SLC39A11: variants seen among roughly 807,000 people sequenced by gnomAD.
SLC39A11 encodes solute carrier family 39 member 11, also known as zinc transporter ZIP11.
In SLC39A11, 33 loss-of-function variants were observed where a neutral mutation model predicts 36.1. The observed-to-expected ratio is 0.91, with a 90% CI of 0.69 to 1.22. SLC39A11 has a LOEUF of 1.22. SLC39A11 is among the 50% of genes most tolerant of loss of function. The pLI is 0.00. For synonymous variants in SLC39A11, 166 were observed against 170.3 expected (o/e 0.97, Z 0.20); for missense variants, 432 against 430.3 (o/e 1.00, Z -0.03).
At chr17:72,886,973 C>T (rs1024429282) in intron 5 of SLC39A11, among the ~76,000 whole-genome samples, 2 of 152,228 alleles carry the variant, frequency 1.3e-5, no homozygotes, top group African/African-American at 4.8e-5. Context: ...AGGGGTCTTC[C>T]CTGACTGCCT....
In SLC39A11 at chr17:73,020,502, C is replaced by A. The variant is rs746819168; in HGVS notation, c.306+11054G>T. Among the ~76,000 whole-genome samples, 10 of 152,092 alleles carry A rather than the reference C, an allele frequency of 6.6e-5. No individual in the cohort carries two copies. The East Asian group carries it at 1.7e-3, about 26-fold the overall frequency. On this transcript the variant is annotated intron_variant, in intron 4 of 9. Coordinates refer to ENST00000255559, the MANE Select transcript of SLC39A11 (RefSeq NM_139177.4). Reference sequence around the variant, plus strand: ...TGGCAGCCCAAGCCAATTTAGATAGCAGGAACCCACTTAGCTGATGTCTGC... The same window carrying A: ...TGGCAGCCCAAGCCAATTTAGATAGAAGGAACCCACTTAGCTGATGTCTGC...
chr17:72,881,234 T>C (rs1352271330), intron 5 of SLC39A11, among the ~76,000 whole-genome samples: 1 of 152,184 alleles, frequency 6.6e-6, no homozygotes, highest in Non-Finnish European at 1.5e-5. Flanking sequence ...TTATTTGTAA[T>C]AGCCTCAAAC....
At chr17:72,967,495 C>T (rs1472126796) in intron 4 of SLC39A11, among the ~76,000 whole-genome samples, 3 of 151,962 alleles carry the variant, frequency 2.0e-5, no homozygotes, top group Non-Finnish European at 2.9e-5. Context: ...CCAGAGTGCC[C>T]GCCCAGGAAG....
At position 72,905,244 on chromosome 17, in the gene SLC39A11, T is replaced by C. The variant is rs371125760; in HGVS notation, c.430+42508A>G. On this transcript the variant is annotated intron_variant, in intron 5 of 9. Transcript: ENST00000255559. ...TCCTGGAGAATGACCAGTATGAAAA[T>C]AGCAGTGCTTTGTGGCTGGATGGAT... is the stretch of plus-strand genomic sequence containing the variant. Among the ~76,000 whole-genome samples the C allele has an allele frequency of 4.6e-5, 6 of 131,292 alleles. No homozygotes were observed. In the East Asian group the frequency reaches 1.4e-3, roughly 31 times the overall value. The allele number at this position is 131,292 out of a possible 152,430, so 86.1% of individuals were successfully genotyped here. A position where few individuals can be genotyped will look rare whatever the true frequency, so the allele number is the denominator to read the frequency against.
chr17:72,671,802 T>C (rs2071033930), intron 7 of SLC39A11, among the ~76,000 whole-genome samples: 1 of 152,168 alleles, frequency 6.6e-6, no homozygotes, highest in African/African-American at 2.4e-5. Flanking sequence ...ATATCACCTA[T>C]ATGCAGAATC....
At chr17:72,685,380 G>A (rs927718930) in intron 7 of SLC39A11, among the ~76,000 whole-genome samples, 2 of 152,282 alleles carry the variant, frequency 1.3e-5, no homozygotes, top group Non-Finnish European at 2.9e-5. Flanking sequence ...GGGGAGGGGC[G>A]GTTGAGGGCA....
intron 5 of SLC39A11, among the ~76,000 whole-genome samples, chr17:72,910,431 G>A (rs936769180): frequency 6.6e-5 from 10 of 151,858 alleles, no homozygotes; most frequent in African/African-American, 1.7e-4. Context: ...TGAGACCAGC[G>A]TGGCCAACGT....
chr17:73,014,352 A>C (rs1035176911), intron 4 of SLC39A11, among the ~76,000 whole-genome samples: 2 of 152,178 alleles, frequency 1.3e-5, no homozygotes, highest in African/African-American at 4.8e-5. Flanking sequence ...GAAATCAATC[A>C]GCTGAGTAAC....
intron 5 of SLC39A11, among the ~76,000 whole-genome samples, chr17:72,883,327 C>A (rs2081298256): frequency 6.6e-6 from 1 of 152,196 alleles, no homozygotes; most frequent in African/African-American, 2.4e-5. Flanking sequence ...CAGTATGCTT[C>A]CTCTTCAAAT....
chr17:72,863,227 C>T (rs922279359), intron 5 of SLC39A11, among the ~76,000 whole-genome samples: 2 of 152,228 alleles, frequency 1.3e-5, no homozygotes, highest in Non-Finnish European at 2.9e-5. Flanking sequence ...TCATTTTACA[C>T]ACCTTGCCCC....
chr17:72,936,411 TAAAAAAA>T (rs746428868), intron 5 of SLC39A11, among the ~76,000 whole-genome samples: 4 of 73,448 alleles, frequency 5.4e-5, no homozygotes, highest in African/African-American at 2.0e-4. Flanking sequence ...TGAAAAAAAG[TAAAAAAA>T]AAAAAAAAAA....
intron 5 of SLC39A11, among the ~76,000 whole-genome samples, chr17:72,921,096 G>A (rs572390859): frequency 6.6e-6 from 1 of 152,282 alleles, no homozygotes; most frequent in African/African-American, 2.4e-5. Context: ...CTACAGTAAT[G>A]TGCAGTGCCT....
chr17:72,820,461 CA>C lies in SLC39A11; in HGVS notation c.601+29172del, dbSNP rs1480880022. 4.0e-5 allele frequency among the ~76,000 whole-genome samples: 6 copies of C among 151,178 alleles called. 1 individual carries two copies. Among genetic ancestry groups the C allele is most frequent in the Non-Finnish European group, 7.4e-5 (5 of 67,488 alleles). On this transcript the variant is annotated intron_variant, in intron 6 of 9. Coordinates refer to ENST00000255559, the MANE Select transcript of SLC39A11 (RefSeq NM_139177.4). ...TCCTCTCTCCTTTGCTGAGCCTTTGCAGCTCAGAGCACCCTCACAACCTCCC... is the reference window on the plus strand; with the variant it reads ...TCCTCTCTCCTTTGCTGAGCCTTTGCGCTCAGAGCACCCTCACAACCTCCC...
Position 73,086,305 on chromosome 17 carries a change from C to T in SLC39A11, c.109-1459G>A, listed in dbSNP as rs2144850735. Among the ~76,000 whole-genome samples, 2 of 151,550 alleles carry T rather than the reference C, an allele frequency of 1.3e-5. 1 individual carries two copies. Among genetic ancestry groups the T allele is most frequent in the Admixed American group, 1.3e-4 (2 of 15,232 alleles). On this transcript the variant is annotated intron_variant, in intron 2 of 9. Transcript: ENST00000255559. ...AAATGCACCAGCCTAATAAAATGTGCATTTTTCCATAAGCATCTTCTATTT... is the reference window on the plus strand; with the variant it reads ...AAATGCACCAGCCTAATAAAATGTGTATTTTTCCATAAGCATCTTCTATTT...
rs536588891 is a variant in SLC39A11, at chr17:72,928,672, C to T, written c.430+19080G>A. On this transcript the variant is annotated intron_variant, in intron 5 of 9. Coordinates refer to ENST00000255559, the MANE Select transcript of SLC39A11 (RefSeq NM_139177.4). Reference sequence around the variant, plus strand: ...TCTCCTTCACTCTCCTGCTTTGAGTCTACGTCAATAGACTCTCACAGCCTG... The same window carrying T: ...TCTCCTTCACTCTCCTGCTTTGAGTTTACGTCAATAGACTCTCACAGCCTG... Among the ~76,000 whole-genome samples, 3 of 152,252 alleles carry T rather than the reference C, an allele frequency of 2.0e-5. No homozygotes were observed. In the East Asian group the frequency reaches 5.8e-4, roughly 29 times the overall value.
chr17:73,054,704 A>G (rs1394464832), intron 3 of SLC39A11, among the ~76,000 whole-genome samples: 1 of 151,204 alleles, frequency 6.6e-6, no homozygotes, highest in Non-Finnish European at 1.5e-5. Flanking sequence ...ACTACTCAGG[A>G]GGCTGAGGCA....
intron 6 of SLC39A11, among the ~76,000 whole-genome samples, chr17:72,816,311 A>T (rs1404292244): frequency 6.6e-6 from 1 of 152,170 alleles, no homozygotes; most frequent in Admixed American, 6.5e-5. Context: ...TCATTGGTGA[A>T]TCAGAGAGTT....
At chr17:72,843,864 A>C (rs2078930885) in intron 6 of SLC39A11, among the ~76,000 whole-genome samples, 1 of 152,238 alleles carries the variant, frequency 6.6e-6, no homozygotes, top group South Asian at 2.1e-4. Flanking sequence ...AGAGCCCCAG[A>C]CGTGTGCATA....
At chr17:73,024,296 G>A (rs1227762156) in intron 4 of SLC39A11, among the ~76,000 whole-genome samples, 1 of 152,204 alleles carries the variant, frequency 6.6e-6, no homozygotes, top group Non-Finnish European at 1.5e-5. Flanking sequence ...ATAGCTTGAA[G>A]TAGAATTGCC....
Sources: allele counts gnomAD v4.1 joint callset (sites outside exome capture counted in the v4.1 genomes callset), GRCh38; gene constraint gnomAD v4.1.1; transcripts MANE v1.5; gene names NCBI Gene and HGNC (gene_info 2026-07-23, HGNC 2026-07-21).